The following FARS2 variants were observed in gnomAD, a reference collection of about 807,000 sequenced individuals.
FARS2 encodes the protein phenylalanine--tRNA ligase, mitochondrial.
FARS2 carries 40 observed loss-of-function variants against 46.4 expected under a neutral mutation model. That is an observed-to-expected ratio of 0.86 (90% confidence interval 0.67 to 1.12). The LOEUF is 1.12. Ranked by LOEUF, FARS2 falls within the 50% of genes most tolerant of loss-of-function variation. The pLI is 0.00. For missense variants in FARS2, 513 were observed against 567.9 expected, an observed-to-expected ratio of 0.90 and a Z score of 0.98; for synonymous variants, 234 against 214.9, an observed-to-expected ratio of 1.09 and a Z score of -0.78.
At chr6:5,251,384 G>C in the FARS2 span, among the ~76,000 whole-genome samples, 1 of 152,194 alleles carries the variant, frequency 6.6e-6, no homozygotes, top group Non-Finnish European at 1.5e-5. Flanking sequence ...AAGAAAAGAG[G>C]TTTAATTGGC....
chr6:5,293,730 A>G (rs554122262), intron 1 of FARS2, among the ~76,000 whole-genome samples: 1 of 152,344 alleles, frequency 6.6e-6, no homozygotes, highest in East Asian at 1.9e-4. Context: ...TTTAAATTAT[A>G]TCCCTGTCAT....
At chr6:5,361,374 T>G (rs1758291452) in intron 1 of FARS2, among the ~76,000 whole-genome samples, 1 of 152,140 alleles carries the variant, frequency 6.6e-6, no homozygotes, top group African/African-American at 2.4e-5. Flanking sequence ...ATGAAACTTC[T>G]TTGTGTTTAA....
intron 1 of FARS2, among the ~76,000 whole-genome samples, chr6:5,293,518 A>G (rs1368443962): frequency 1.3e-5 from 2 of 152,208 alleles, no homozygotes; most frequent in Non-Finnish European, 2.9e-5. Context: ...ACACTGGGCC[A>G]TGTGATTTTT....
At chr6:5,258,226 T>C (rs1012464288), upstream of FARS2, among the ~76,000 whole-genome samples, 30 of 152,218 alleles carry the variant, frequency 2.0e-4, no homozygotes, top group African/African-American at 7.0e-4. Context: ...GCCTATATTA[T>C]AGGTCTTGCA....
chr6:5,335,050 T>G (rs1771060804), intron 1 of FARS2, among the ~76,000 whole-genome samples: 1 of 152,214 alleles, frequency 6.6e-6, no homozygotes, highest in African/African-American at 2.4e-5. Context: ...TTTAAGTTGA[T>G]GAAACTGAAT....
intron 6 of FARS2, among the ~76,000 whole-genome samples, chr6:5,762,954 A>G (rs1263742145): frequency 1.3e-5 from 2 of 152,218 alleles, no homozygotes; most frequent in Non-Finnish European, 2.9e-5. Flanking sequence ...CCGTTGTGAG[A>G]ACGAGGAGGA....
At chr6:5,735,405 C>T (rs2150943390) in intron 6 of FARS2, among the ~76,000 whole-genome samples, 1 of 152,318 alleles carries the variant, frequency 6.6e-6, no homozygotes, top group South Asian at 2.1e-4. Flanking sequence ...ATGCTGGACA[C>T]TTTGGTGACT....
chr6:5,329,073 C>A (rs1200247699), intron 1 of FARS2, among the ~76,000 whole-genome samples: 1 of 151,384 alleles, frequency 6.6e-6, no homozygotes, highest in African/African-American at 2.4e-5. Flanking sequence ...TGCTGTGTTT[C>A]AGTGATAGTG....
chr6:5,384,069 GA>G (rs1382146622), intron 2 of FARS2, among the ~76,000 whole-genome samples: 9 of 152,274 alleles, frequency 5.9e-5, no homozygotes, highest in Middle Eastern at 3.4e-3. Flanking sequence ...GTTGTCATGA[GA>G]ACCAGTTCAC....
At chr6:5,347,086 G>T (rs1757287362) in intron 1 of FARS2, among the ~76,000 whole-genome samples, 1 of 151,854 alleles carries the variant, frequency 6.6e-6, no homozygotes. Flanking sequence ...GCTAATTTTT[G>T]TATTTTTAGT....
At chr6:5,308,426 G>A (rs1033071810) in intron 1 of FARS2, among the ~76,000 whole-genome samples, 1 of 152,222 alleles carries the variant, frequency 6.6e-6, no homozygotes, top group Non-Finnish European at 1.5e-5. Context: ...AAGGCAAGAG[G>A]TGATGGTACC....
intron 5 of FARS2, among the ~76,000 whole-genome samples, chr6:5,561,274 CTG>C (rs752652172): frequency 7.9e-5 from 12 of 151,998 alleles, no homozygotes; most frequent in African/African-American, 1.2e-4. Flanking sequence ...TTTACACACA[CTG>C]TTTTTTTTGG....
intron 6 of FARS2, among the ~76,000 whole-genome samples, chr6:5,717,929 T>TAGAGAGAGAGAG (rs372348270): frequency 4.3e-4 from 45 of 105,056 alleles, no homozygotes; most frequent in Non-Finnish European, 5.8e-4. Flanking sequence ...TATATATATA[T>TAGAGAGAGAGAG]ATATATACAG....
upstream of FARS2, among the ~76,000 whole-genome samples, chr6:5,256,909 A>T (rs1764704175): frequency 6.6e-6 from 1 of 152,024 alleles, no homozygotes; most frequent in Non-Finnish European, 1.5e-5. Flanking sequence ...CTCTGCTTGG[A>T]TTCTCTTCTT....
intron 1 of FARS2, among the ~76,000 whole-genome samples, chr6:5,278,512 G>A (rs546923090): frequency 2.6e-5 from 4 of 152,136 alleles, no homozygotes; most frequent in Non-Finnish European, 4.4e-5. Context: ...TGTTAATGGC[G>A]TACTTTATTT....
intron 4 of FARS2, among the ~76,000 whole-genome samples, chr6:5,493,722 T>C (rs1240651410): frequency 6.6e-6 from 1 of 152,212 alleles, no homozygotes; most frequent in African/African-American, 2.4e-5. Flanking sequence ...AAAGACATGA[T>C]GCACAGAAAG....
At chr6:5,267,095 A>C (rs1371992269) in intron 1 of FARS2, among the ~76,000 whole-genome samples, 4 of 152,008 alleles carry the variant, frequency 2.6e-5, no homozygotes, top group African/African-American at 7.2e-5. Context: ...AGTAACAACA[A>C]AATTGACAAT....
rs1046538425 is a variant in FARS2 at position 5,472,538 on chromosome 6, G to A, written c.904+41366G>A. The stretch of plus-strand genomic sequence containing the variant: ...TTTAATCTGATCCTGAATTAATCAC[G>A]GTTTGATTAATCCTGGTTTTATTGC... On this transcript the variant is annotated intron_variant, in intron 4 of 6. Coordinates refer to ENST00000274680, the MANE Select transcript of FARS2 (RefSeq NM_006567.5). Among the ~76,000 whole-genome samples, 7 of 152,196 alleles carry A rather than the reference G, an allele frequency of 4.6e-5. No individual in the cohort carries two copies. In the East Asian group the frequency reaches 9.7e-4, roughly 21 times the overall value.
intron 6 of FARS2, among the ~76,000 whole-genome samples, chr6:5,743,888 C>A (rs897179596): frequency 3.3e-5 from 5 of 152,360 alleles, no homozygotes; most frequent in African/African-American, 9.6e-5. Context: ...ATAGTTTCCA[C>A]TCATTGAGTG....
Sources: gnomAD v4.1 joint callset for allele counts (sites outside exome capture counted in the v4.1 genomes callset) on GRCh38, gnomAD v4.1.1 for gene constraint, MANE v1.5 for transcripts, NCBI Gene and HGNC (gene_info 2026-07-23, HGNC 2026-07-21) for gene names.